The following OR5AN1 variants were observed in gnomAD, a reference collection of about 807,000 sequenced individuals.
The protein encoded by OR5AN1 is olfactory receptor family 5 subfamily AN member 1.
For missense variants in OR5AN1, 476 were observed against 368.9 expected, an observed-to-expected ratio of 1.29 and a Z score of -2.38; for synonymous variants, 167 against 131.8, an observed-to-expected ratio of 1.27 and a Z score of -1.83.
rs752364234 is a variant in OR5AN1 at position 59,364,597 on chromosome 11, A to C, written c.139A>C (p.Ile47Leu). 6.2e-7 allele frequency: 1 copy of C among 1,613,960 alleles called. No homozygotes were observed. Among genetic ancestry groups the C allele is most frequent in the Non-Finnish European group, 8.5e-7 (1 of 1,179,920 alleles). The change falls in exon 2 of 2, where the codon ATT becomes CTT. Residue 47 changes from isoleucine to leucine, a missense_variant. Coordinates refer to ENST00000641998, the MANE Select transcript of OR5AN1 (RefSeq NM_001004729.2). ...ATCTCTGGCCTGGAACCTCTCCCTC[A>C]TTGTTTTAATAAGGATGGATTCCCA... is the stretch of plus-strand genomic sequence containing the variant. ...ITSLAWNLSL[I>L]VLIRMDSHLH...
At position 59,365,364 on chromosome 11, in the gene OR5AN1, A is replaced by G. The variant is rs1469085909; in HGVS notation, c.906A>G (p.Leu302=). Residue 302 remains leucine (L), a synonymous_variant, in exon 2 of 2, where the codon TTA becomes TTG. Coordinates refer to ENST00000641998, the MANE Select transcript of OR5AN1 (RefSeq NM_001004729.2). ...SLRNKEIKDA[L]KRLQKRKCC is the part of the protein sequence containing the mutation. Reference sequence around the variant, plus strand: ...GGAACAAAGAAATTAAAGATGCCTTAAAGAGGTTGCAAAAGAGAAAGTGCT... The same window carrying G: ...GGAACAAAGAAATTAAAGATGCCTTGAAGAGGTTGCAAAAGAGAAAGTGCT... The G allele has an allele frequency of 2.5e-6, 4 of 1,601,722 alleles. No homozygotes were observed. Among genetic ancestry groups the G allele is most frequent in the Non-Finnish European group, 3.4e-6 (4 of 1,174,956 alleles).
Position 59,365,496 on chromosome 11 carries a change from C to A in OR5AN1, c.*102C>A. On this transcript the variant is annotated 3_prime_UTR_variant, in exon 2 of 2. Transcript: ENST00000641998. ...ACTATAACAAAATTCATGCTGCCTA[C>A]TGCCTTTGGACAAAGAAGGCTTGAT... 1 of 718,128 alleles carries A rather than the reference C, an allele frequency of 1.4e-6. No homozygotes were observed. Among genetic ancestry groups the A allele is most frequent in the Non-Finnish European group, 2.3e-6 (1 of 443,366 alleles). 44.5% of individuals were successfully genotyped at this position (718,128 alleles called of 1,614,324 possible).
intron 1 of OR5AN1, among the ~76,000 whole-genome samples, chr11:59,361,772 C>T (rs547222951): frequency 3.3e-5 from 5 of 152,260 alleles, no homozygotes; most frequent in African/African-American, 7.2e-5. Flanking sequence ...TCTTTCTCCC[C>T]CTTTTTCTCT....
At chr11:59,361,747 C>G (rs1465036453) in intron 1 of OR5AN1, among the ~76,000 whole-genome samples, 1 of 152,198 alleles carries the variant, frequency 6.6e-6, no homozygotes, top group Non-Finnish European at 1.5e-5. Flanking sequence ...AAAGTCTACT[C>G]TCTCACATTC....
chr11:59,364,767 T>A lies in OR5AN1; in HGVS notation c.309T>A (p.Phe103Leu), dbSNP rs773407783. 13 of 1,614,002 alleles carry A rather than the reference T, an allele frequency of 8.1e-6. No homozygotes were observed. In the East Asian group the frequency reaches 1.3e-4, roughly 17 times the overall value. The part of the protein sequence containing the change: ...ITFVGCIIQY[F>L]IFSTMGLSES... ...TTGTTGGTTGTATTATTCAGTACTT[T>A]ATCTTTTCAACGATGGGACTGAGTG... The change falls in exon 2 of 2, where the codon TTT becomes TTA. Residue 103 changes from phenylalanine (F) to leucine (L), a missense_variant. Transcript: ENST00000641998.
chr11:59,368,518 C>T lies in OR5AN1; in HGVS notation c.*3124C>T, dbSNP rs1369963562. The T allele has an allele frequency of 6.6e-6, 1 of 152,286 alleles. No homozygotes were observed. Among genetic ancestry groups the T allele is most frequent in the Non-Finnish European group, 1.5e-5 (1 of 68,110 alleles). 9.4% of individuals were successfully genotyped at this position (152,286 alleles called of 1,614,324 possible). A position where few individuals can be genotyped will look rare whatever the true frequency, so the allele number is the denominator to read the frequency against. ...GTGCTTTATCCACACCTCTAATAAT[C>T]TGTAGTCAACCCAAGGAGAAGAGGC... On this transcript the variant is annotated 3_prime_UTR_variant, in exon 2 of 2. Coordinates refer to ENST00000641998, the MANE Select transcript of OR5AN1 (RefSeq NM_001004729.2).
chr11:59,368,632 A>G lies in OR5AN1; in HGVS notation c.*3238A>G, dbSNP rs1857561505. On this transcript the variant is annotated 3_prime_UTR_variant, in exon 2 of 2. Transcript: ENST00000641998. ...CTTGGGCCCACAACACATACCCTCT[A>G]TCTTGGGCTGGCTGCACTGAGCGAT... is the stretch of plus-strand genomic sequence containing the variant. 6.6e-6 allele frequency: 1 copy of G among 152,364 alleles called. No homozygotes were observed. The highest frequency in any genetic ancestry group is 1.5e-5 in the Non-Finnish European group (1 of 68,218). 9.4% of individuals were successfully genotyped at this position (152,364 alleles called of 1,614,324 possible). A position where few individuals can be genotyped will look rare whatever the true frequency, so the allele number is the denominator to read the frequency against.
Position 59,371,495 on chromosome 11 carries a change from A to T in OR5AN1, c.*6101A>T, listed in dbSNP as rs1220459424. 1 of 152,242 alleles carries T rather than the reference A, an allele frequency of 6.6e-6. No homozygotes were observed. The highest frequency in any genetic ancestry group is 1.5e-5 in the Non-Finnish European group (1 of 68,038). 9.4% of individuals were successfully genotyped at this position (152,242 alleles called of 1,614,324 possible). On this transcript the variant is annotated 3_prime_UTR_variant, in exon 2 of 2. Coordinates refer to ENST00000641998, the MANE Select transcript of OR5AN1 (RefSeq NM_001004729.2). ...AAGGAGTTACGGTACAGCTAAGGCT[A>T]ACCTGCATCTATGCTCCAGCTTCCA...
Position 59,370,626 on chromosome 11 carries a change from A to G in OR5AN1, c.*5232A>G, listed in dbSNP as rs1857584221. 6.6e-6 allele frequency: 1 copy of G among 152,204 alleles called. No individual in the cohort carries two copies. Among genetic ancestry groups the G allele is most frequent in the Non-Finnish European group, 1.5e-5 (1 of 68,030 alleles). 9.4% of individuals were successfully genotyped at this position (152,204 alleles called of 1,614,324 possible). ...GATATTCTTGCCCTTACAAATATCAATGTATTCAGAAGCTATATAAGTGAC... is the reference window on the plus strand; with the variant it reads ...GATATTCTTGCCCTTACAAATATCAGTGTATTCAGAAGCTATATAAGTGAC... On this transcript the variant is annotated 3_prime_UTR_variant, in exon 2 of 2. Transcript: ENST00000641998.
intron 1 of OR5AN1, among the ~76,000 whole-genome samples, chr11:59,362,708 G>C (rs924055943): frequency 1.3e-5 from 2 of 152,198 alleles, no homozygotes; most frequent in Non-Finnish European, 2.9e-5. Flanking sequence ...ATGGAGCAGA[G>C]TGAATGTACA....
chr11:59,371,084 C>T lies in OR5AN1; in HGVS notation c.*5690C>T, dbSNP rs1296422496. On this transcript the variant is annotated 3_prime_UTR_variant, in exon 2 of 2. Coordinates refer to ENST00000641998, the MANE Select transcript of OR5AN1 (RefSeq NM_001004729.2). ...GTGGAGTATTCCTTTTTCTTTTAAA[C>T]AAAGGTAAGACTAGACTTTCTCTGA... 1.3e-5 allele frequency: 2 copies of T among 150,490 alleles called. No individual in the cohort carries two copies. The highest frequency in any genetic ancestry group is 6.6e-5 in the Admixed American group (1 of 15,114). 9.3% of individuals were successfully genotyped at this position (150,490 alleles called of 1,614,324 possible).
chr11:59,371,221 A>C lies in OR5AN1; in HGVS notation c.*5827A>C, dbSNP rs1235357680. On this transcript the variant is annotated 3_prime_UTR_variant, in exon 2 of 2. Transcript: ENST00000641998. ...GCATAGTGTCCCTGCTTAATATTAC[A>C]TAGAGTAGCTGGGTCATAATTATTT... The C allele has an allele frequency of 1.3e-5, 2 of 152,162 alleles. No homozygotes were observed. Among genetic ancestry groups the C allele is most frequent in the East Asian group, 3.8e-4 (2 of 5,200 alleles). The allele number at this position is 152,162 out of a possible 1,614,324, so 9.4% of individuals were successfully genotyped here. A position where few individuals can be genotyped will look rare whatever the true frequency, so the allele number is the denominator to read the frequency against.
At position 59,365,583 on chromosome 11, in the gene OR5AN1, C is replaced by A. The variant is rs960353900; in HGVS notation, c.*189C>A. 2.2e-5 allele frequency: 11 copies of A among 493,110 alleles called. No individual in the cohort carries two copies. Among genetic ancestry groups the A allele is most frequent in the Non-Finnish European group, 3.5e-5 (10 of 282,264 alleles). The allele number at this position is 493,110 out of a possible 1,614,324, so 30.5% of individuals were successfully genotyped here. ...GACTCAATGCCACAGACATCAGGATCTTTAGGTCCTGGAGGTTCATTATTT... is the reference window on the plus strand; with the variant it reads ...GACTCAATGCCACAGACATCAGGATATTTAGGTCCTGGAGGTTCATTATTT... On this transcript the variant is annotated 3_prime_UTR_variant, in exon 2 of 2. Coordinates refer to ENST00000641998, the MANE Select transcript of OR5AN1 (RefSeq NM_001004729.2).
chr11:59,363,567 T>A (rs1275316496), intron 1 of OR5AN1, among the ~76,000 whole-genome samples: 4 of 152,234 alleles, frequency 2.6e-5, no homozygotes, highest in Non-Finnish European at 4.4e-5. Flanking sequence ...GAATTTATGA[T>A]ATTATTGTTA....
rs1857546662 is a variant in OR5AN1 at position 59,367,403 on chromosome 11, G to C, written c.*2009G>C. 1 of 152,436 alleles carries C rather than the reference G, an allele frequency of 6.6e-6. No homozygotes were observed. Among genetic ancestry groups the C allele is most frequent in the Non-Finnish European group, 1.5e-5 (1 of 68,238 alleles). The allele number at this position is 152,436 out of a possible 1,614,324, so 9.4% of individuals were successfully genotyped here. On this transcript the variant is annotated 3_prime_UTR_variant, in exon 2 of 2. Coordinates refer to ENST00000641998, the MANE Select transcript of OR5AN1 (RefSeq NM_001004729.2). ...AAGGCTTAGATACTTGGGTTTTCTG[G>C]TAAAAGTAGCTGCAGCCCCAGCAAA...
intron 1 of OR5AN1, among the ~76,000 whole-genome samples, chr11:59,363,378 A>G (rs912386761): frequency 6.6e-6 from 1 of 152,234 alleles, no homozygotes; most frequent in Non-Finnish European, 1.5e-5. Flanking sequence ...CCAAAGTCTG[A>G]ACCCTTAGCC....
In OR5AN1 at chr11:59,365,029, A is replaced by G. The variant is rs1393890287; in HGVS notation, c.571A>G (p.Thr191Ala). The G allele has an allele frequency of 3.1e-6, 5 of 1,614,086 alleles. No individual in the cohort carries two copies. The highest frequency in any genetic ancestry group is 4.5e-5 in the East Asian group (2 of 44,870). ...DMPQLLILSC[T>A]DTFFVQVMTA... is the part of the protein sequence containing the mutation. ...GCCCCAACTGTTAATCTTGTCCTGT[A>G]CTGACACTTTCTTTGTACAGGTCAT... Residue 191 changes from threonine to alanine, a missense_variant, in exon 2 of 2, where the codon ACT becomes GCT. Coordinates refer to ENST00000641998, the MANE Select transcript of OR5AN1 (RefSeq NM_001004729.2).
chr11:59,365,024 C>T lies in OR5AN1; in HGVS notation c.566C>T (p.Ser189Phe). 1 of 1,614,110 alleles carries T rather than the reference C, an allele frequency of 6.2e-7. No homozygotes were observed. Among genetic ancestry groups the T allele is most frequent in the Non-Finnish European group, 8.5e-7 (1 of 1,179,988 alleles). ...GACATGCCCCAACTGTTAATCTTGTCCTGTACTGACACTTTCTTTGTACAG... is the reference window on the plus strand; with the variant it reads ...GACATGCCCCAACTGTTAATCTTGTTCTGTACTGACACTTTCTTTGTACAG... ...FCDMPQLLIL[S>F]CTDTFFVQVM... is the part of the protein sequence containing the mutation. The change falls in exon 2 of 2, where the codon TCC (serine) becomes TTC (phenylalanine). Residue 189 changes from serine (S) to phenylalanine (F), a missense_variant. Coordinates refer to ENST00000641998, the MANE Select transcript of OR5AN1 (RefSeq NM_001004729.2).
At position 59,367,967 on chromosome 11, in the gene OR5AN1, G is replaced by A. The variant is rs1290206995; in HGVS notation, c.*2573G>A. The A allele has an allele frequency of 1.3e-5, 2 of 152,300 alleles. No individual in the cohort carries two copies. Among genetic ancestry groups the A allele is most frequent in the Admixed American group, 1.3e-4 (2 of 15,280 alleles). 9.4% of individuals were successfully genotyped at this position (152,300 alleles called of 1,614,324 possible). A position where few individuals can be genotyped will look rare whatever the true frequency, so the allele number is the denominator to read the frequency against. The stretch of plus-strand genomic sequence containing the variant: ...GTATCTGAGACGACTGAGGACTGAA[G>A]TAGACCCCCAACACAGCACAGCTGT... On this transcript the variant is annotated 3_prime_UTR_variant, in exon 2 of 2. Coordinates refer to ENST00000641998, the MANE Select transcript of OR5AN1 (RefSeq NM_001004729.2).
Sources: gnomAD v4.1 joint callset for allele counts (sites outside exome capture counted in the v4.1 genomes callset) on GRCh38, gnomAD v4.1.1 for gene constraint, MANE v1.5 for transcripts, NCBI Gene and HGNC (gene_info 2026-07-23, HGNC 2026-07-21) for gene names.